RBM5: variants seen among roughly 807,000 people sequenced by gnomAD.
RBM5 encodes the protein RNA binding motif protein 5, also known as RNA-binding protein 5.
In RBM5, 15 loss-of-function variants were observed where a neutral mutation model predicts 124.6. That is an observed-to-expected ratio of 0.12 (90% CI 0.08 to 0.19). RBM5 has a LOEUF of 0.19. Among genes scored for constraint, RBM5 ranks in the 10% least tolerant of loss-of-function variants. The pLI is 1.00. For synonymous variants in RBM5, 337 were observed against 361.2 expected, an observed-to-expected ratio of 0.93 and a Z score of 0.76; for missense variants, 580 against 1,026.5, an observed-to-expected ratio of 0.57 and a Z score of 5.94.
At position 50,113,493 on chromosome 3, in the gene RBM5, A is replaced by G. The variant is rs2091186107; in HGVS notation, c.1566A>G (p.Ala522=). The part of the protein sequence containing the change: ...SSHQQSGLPP[A]KEGKEKKEKP... ...ACCAGCAGTCGGGCCTGCCTCCTGC[A>G]AAAGAGGGGAAAGAGAAGAAGGAGA... Residue 522 remains alanine (A), a synonymous_variant, in exon 18 of 25, where the codon GCA becomes GCG. Coordinates refer to ENST00000347869, the MANE Select transcript of RBM5 (RefSeq NM_005778.4). 11 of 1,613,994 alleles carry G rather than the reference A, an allele frequency of 6.8e-6. No individual in the cohort carries two copies. The highest frequency in any genetic ancestry group is 2.2e-5 in the East Asian group (1 of 44,898).
At chr3:50,111,605 C>T (rs1353987178) in intron 17 of RBM5, among the ~76,000 whole-genome samples, 1 of 152,104 alleles carries the variant, frequency 6.6e-6, no homozygotes, top group Non-Finnish European at 1.5e-5. Context: ...GAACTCCTGA[C>T]CTTAAGTGAT....
At chr3:50,112,414 T>TAAAAAAAAAAA (rs58011975) in intron 17 of RBM5, among the ~76,000 whole-genome samples, 8 of 88,226 alleles carry the variant, frequency 9.1e-5, no homozygotes, top group African/African-American at 3.9e-4. Context: ...AGACTCTGTC[T>TAAAAAAAAAAA]AAAAAAAAAA....
At position 50,117,495 on chromosome 3, in the gene RBM5, G is replaced by C; in HGVS notation, c.2322+116G>C. 2 of 1,433,978 alleles carry C rather than the reference G, an allele frequency of 1.4e-6. No homozygotes were observed. Among genetic ancestry groups the C allele is most frequent in the Non-Finnish European group, 1.9e-6 (2 of 1,053,436 alleles). The allele number at this position is 1,433,978 out of a possible 1,614,324, so 88.8% of individuals were successfully genotyped here. On this transcript the variant is annotated intron_variant, in intron 24 of 24. Transcript: ENST00000347869. The surrounding 1 kb of genome is among the most constrained non-coding windows in gnomAD (Gnocchi z 4.2). The stretch of plus-strand genomic sequence containing the variant: ...GAGCAGCTTTACCTTAGCATGAAGG[G>C]GCAGATTACAGGCATGAGCTCACAC...
At chr3:50,108,597 C>A (rs982501724) in intron 14 of RBM5, among the ~76,000 whole-genome samples, 2 of 152,134 alleles carry the variant, frequency 1.3e-5, no homozygotes, top group Non-Finnish European at 1.5e-5. Flanking sequence ...ATCCCAGCTA[C>A]TCAGGAGGCT....
At chr3:50,093,506 A>C (rs1056945952) in intron 3 of RBM5, among the ~76,000 whole-genome samples, 1 of 151,892 alleles carries the variant, frequency 6.6e-6, no homozygotes, top group African/African-American at 2.4e-5. Context: ...TTGGGAGGCC[A>C]TAGCAGGAGG....
rs2090752920 is a variant in RBM5, at chr3:50,093,732, A to G, written c.196A>G (p.Arg66Gly). ...DYDSPERERE[R>G]RNSDRSEDGY... The stretch of plus-strand genomic sequence containing the variant: ...TATTGTAACTCAGAGAGAGCGTGAA[A>G]GAAGGAACAGTGACCGATCCGAAGA... The change falls in exon 4 of 25, where the codon AGA (arginine) becomes GGA (glycine). Residue 66 changes from arginine (R) to glycine (G), a missense_variant. Coordinates refer to ENST00000347869, the MANE Select transcript of RBM5 (RefSeq NM_005778.4). The G allele has an allele frequency of 1.2e-6, 2 of 1,613,082 alleles. No individual in the cohort carries two copies. The highest frequency in any genetic ancestry group is 1.1e-5 in the South Asian group (1 of 91,072).
chr3:50,111,441 A>G (rs991812871), intron 17 of RBM5, among the ~76,000 whole-genome samples: 3 of 151,874 alleles, frequency 2.0e-5, no homozygotes, highest in African/African-American at 7.3e-5. Context: ...TTGTGGCACG[A>G]TCTTGGCTCA....
chr3:50,105,838 G>A lies in RBM5; in HGVS notation c.855+129G>A, dbSNP rs188776568. ...GCAAGGCTCCCTAATGACAGTTTTTGCACTGCTAAATTACAGGACTGATGA... is the reference window on the plus strand; with the variant it reads ...GCAAGGCTCCCTAATGACAGTTTTTACACTGCTAAATTACAGGACTGATGA... On this transcript the variant is annotated intron_variant, in intron 10 of 24. Transcript: ENST00000347869. The A allele has an allele frequency of 3.7e-4, 370 of 989,632 alleles. 3 individuals are homozygous for A. In the Middle Eastern group the frequency reaches 7.0e-3, roughly 19 times the overall value. 61.3% of individuals were successfully genotyped at this position (989,632 alleles called of 1,614,324 possible). A position where few individuals can be genotyped will look rare whatever the true frequency, so the allele number is the denominator to read the frequency against.
chr3:50,099,093 A>G (rs1351294979), intron 4 of RBM5, among the ~76,000 whole-genome samples: 1 of 152,074 alleles, frequency 6.6e-6, no homozygotes, highest in African/African-American at 2.4e-5. Flanking sequence ...TGTCTCTACA[A>G]AAAATACAAA....
chr3:50,104,392 C>T (rs1296930981), intron 8 of RBM5, 84 bp downstream of exon 8: 1 of 1,312,532 alleles, frequency 7.6e-7, no homozygotes, highest in Non-Finnish European at 1.1e-6. Flanking sequence ...AATCCCACCA[C>T]TTTGCAAGGC....
intron 4 of RBM5, among the ~76,000 whole-genome samples, chr3:50,097,560 TTTCCACA>T (rs2090845002): frequency 6.6e-6 from 1 of 152,112 alleles, no homozygotes; most frequent in Admixed American, 6.5e-5. Flanking sequence ...GAGAATCTTG[TTTCCACA>T]AATTTCACCC....
intron 8 of RBM5, chr3:50,104,633 C>T: frequency 3.6e-6 from 1 of 281,026 alleles, no homozygotes; most frequent in Admixed American, 4.7e-5. Flanking sequence ...ACAAACAAGA[C>T]CCTGCCTCTC....
chr3:50,090,565 C>T (rs913237837), intron 2 of RBM5, 114 bp downstream of exon 2: 19 of 1,203,052 alleles, frequency 1.6e-5, no homozygotes, highest in Admixed American at 3.8e-5. Context: ...GCATTGCTAA[C>T]GAACACCTTT....
intron 4 of RBM5, among the ~76,000 whole-genome samples, chr3:50,097,655 A>G (rs1268767947): frequency 2.6e-5 from 4 of 152,152 alleles, no homozygotes; most frequent in African/African-American, 9.7e-5. Context: ...CCTTTTGGAA[A>G]AAGGAGTTGG....
intron 14 of RBM5, among the ~76,000 whole-genome samples, chr3:50,109,322 C>T (rs984980011): frequency 6.6e-6 from 1 of 152,204 alleles, no homozygotes; most frequent in Non-Finnish European, 1.5e-5. Context: ...ATCGGCTCGC[C>T]TTTTCCTTCC....
chr3:50,106,906 C>A (rs752657271), intron 11 of RBM5, 42 bp downstream of exon 11: 1 of 1,441,632 alleles, frequency 6.9e-7, no homozygotes, highest in Non-Finnish European at 9.8e-7. Context: ...ACTGCATATG[C>A]ACATTTGTAC....
At chr3:50,110,904 AATGTAATTTTT>A (rs1358998448) in intron 17 of RBM5, 134 bp downstream of exon 17, 1 of 684,444 alleles carries the variant, frequency 1.5e-6, no homozygotes, top group Non-Finnish European at 2.3e-6. Context: ...AAGCCACCAA[AATGTAATTTTT>A]ATATGGAGAT....
chr3:50,118,141 C>A, intron 24 of RBM5, 190 bp from the exon 25 acceptor site: 1 of 738,202 alleles, frequency 1.4e-6, no homozygotes, highest in Non-Finnish European at 2.1e-6. Flanking sequence ...TGCCTGTGTT[C>A]CGTAGCCCAT....
Position 50,118,648 on chromosome 3 carries a change from T to G in RBM5, c.*192T>G. 1 of 822,770 alleles carries G rather than the reference T, an allele frequency of 1.2e-6. No homozygotes were observed. Among genetic ancestry groups the G allele is most frequent in the Admixed American group, 2.6e-5 (1 of 37,818 alleles). The allele number at this position is 822,770 out of a possible 1,614,324, so 51.0% of individuals were successfully genotyped here. On this transcript the variant is annotated 3_prime_UTR_variant, in exon 25 of 25. Coordinates refer to ENST00000347869, the MANE Select transcript of RBM5 (RefSeq NM_005778.4). ...TATGTGGGTTGCCTGGTGAATGGCC[T>G]TCCTTCCCGCCAGAGGGCTTGTGAA...
Sources: gnomAD v4.1 joint callset for allele counts (sites outside exome capture counted in the v4.1 genomes callset) on GRCh38, gnomAD v4.1.1 for gene constraint, Gnocchi (gnomAD v3.1) non-coding constraint, MANE v1.5 for transcripts, NCBI Gene and HGNC (gene_info 2026-07-23, HGNC 2026-07-21) for gene names.